Variants in MRC2 observed in about 807,000 individuals in gnomAD.
MRC2 encodes the protein mannose receptor C-type 2.
A neutral mutation model predicts 206.2 loss-of-function variants in MRC2; 84 were observed. That is an observed-to-expected ratio of 0.41 (90% CI 0.34 to 0.49). The LOEUF (loss-of-function observed/expected upper bound fraction) is 0.49. Among genes scored for constraint, MRC2 ranks in the 20% least tolerant of loss-of-function variants. The pLI is 0.31. For synonymous variants in MRC2, 798 were observed against 800.0 expected, an observed-to-expected ratio of 1.00 and a Z score of 0.04; for missense variants, 1,676 against 2,001.5, an observed-to-expected ratio of 0.84 and a Z score of 3.10.
intron 17 of MRC2, 26 bp from the exon 18 acceptor site, chr17:62,681,036 C>T (rs1300273527): frequency 6.2e-7 from 1 of 1,612,974 alleles, no homozygotes; most frequent in Admixed American, 1.7e-5. Flanking sequence ...GCTGCCTACC[C>T]ACACCTGCCC....
At chr17:62,655,227 A>G (rs1417352234) in intron 1 of MRC2, among the ~76,000 whole-genome samples, 1 of 150,516 alleles carries the variant, frequency 6.6e-6, no homozygotes, top group Non-Finnish European at 1.5e-5. Flanking sequence ...TGGAGCCTGC[A>G]GTGAGTGGAG....
At position 62,672,965 on chromosome 17, in the gene MRC2, C is replaced by G. The variant is rs2088845144; in HGVS notation, c.1461+813C>G. ...TGAGATTGCACCACTGCACTCCAGC[C>G]TGGGTGACAGAGCAAGACCCTGTCT... On this transcript the variant is annotated intron_variant, in intron 8 of 29. Coordinates refer to ENST00000303375, the MANE Select transcript of MRC2 (RefSeq NM_006039.5). This position sits in a 1 kb window ranked among gnomAD's most constrained non-coding sequence, Gnocchi z 4.5. Among the ~76,000 whole-genome samples, 1 of 149,546 alleles carries G rather than the reference C, an allele frequency of 6.7e-6. No homozygotes were observed. The highest frequency in any genetic ancestry group is 1.5e-5 in the Non-Finnish European group (1 of 67,734).
chr17:62,660,450 G>C (rs756107794), intron 1 of MRC2, among the ~76,000 whole-genome samples: 1 of 152,190 alleles, frequency 6.6e-6, no homozygotes, highest in Non-Finnish European at 1.5e-5. Context: ...GGAGGTAGAG[G>C]TTTCAGTTGC....
intron 1 of MRC2, among the ~76,000 whole-genome samples, chr17:62,639,072 T>C (rs959904639): frequency 2.6e-5 from 4 of 152,196 alleles, no homozygotes; most frequent in Non-Finnish European, 5.9e-5. Context: ...CAGTGGCTCA[T>C]GCCTGTAATC....
chr17:62,628,892 G>T (rs2084193215), intron 1 of MRC2, among the ~76,000 whole-genome samples: 2 of 152,158 alleles, frequency 1.3e-5, no homozygotes, highest in Non-Finnish European at 2.9e-5. Context: ...TTAATTGGGG[G>T]ATGGGGACAG....
At chr17:62,640,394 CG>C (rs2088386443) in intron 1 of MRC2, among the ~76,000 whole-genome samples, 1 of 152,110 alleles carries the variant, frequency 6.6e-6, no homozygotes, top group South Asian at 2.1e-4. Flanking sequence ...CTGCCAACAC[CG>C]TGGTGAGCAG....
rs575458183 is a variant in MRC2, at chr17:62,663,507, A to G, written c.119-1041A>G. 3.3e-5 allele frequency among the ~76,000 whole-genome samples: 5 copies of G among 152,216 alleles called. No homozygotes were observed. The South Asian group carries it at 1.0e-3, about 32-fold the overall frequency. ...TCCCCTTTCTCGTCACCCACAGGCA[A>G]CCATTAATTTGCTTTCTGTCTCTAT... On this transcript the variant is annotated intron_variant, in intron 1 of 29. Transcript: ENST00000303375.
At position 62,688,664 on chromosome 17, in the gene MRC2, G is replaced by T; in HGVS notation, c.3225G>T (p.Pro1075=). 6.2e-7 allele frequency: 1 copy of T among 1,613,474 alleles called. No individual in the cohort carries two copies. Among genetic ancestry groups the T allele is most frequent in the Non-Finnish European group, 8.5e-7 (1 of 1,179,864 alleles). The change falls in exon 22 of 30, where the codon CCG becomes CCT. Residue 1075 remains proline, a splice_region_variant and synonymous_variant. Transcript: ENST00000303375. ...GCCCTGCTCCCAGTGGCAACAAACC[G>T]GTGAGGATGCCCTCCCTGTTCCCCT... ...GPSPAPSGNK[P]TSCAVVLHSP...
intron 13 of MRC2, 25 bp downstream of exon 13, chr17:62,678,671 TAGG>T (rs2088924235): frequency 1.2e-6 from 2 of 1,600,574 alleles, no homozygotes; most frequent in African/African-American, 2.7e-5. Context: ...TGAGGCGTGT[TAGG>T]AGGGCACCCG....
chr17:62,664,523 C>A lies in MRC2; in HGVS notation c.119-25C>A. ...CCAACCAGGAGAGCCCCTGTGATGC[C>A]TTCGTGTCTTGCCTTCCCTTCCAGA... On this transcript the variant is annotated intron_variant, in intron 1 of 29. Coordinates refer to ENST00000303375, the MANE Select transcript of MRC2 (RefSeq NM_006039.5). The surrounding 1 kb of genome is among the most constrained non-coding windows in gnomAD (Gnocchi z 4.7). 1 of 1,586,492 alleles carries A rather than the reference C, an allele frequency of 6.3e-7. No homozygotes were observed. The highest frequency in any genetic ancestry group is 8.6e-7 in the Non-Finnish European group (1 of 1,166,750).
chr17:62,666,088 C>CT lies in MRC2; in HGVS notation c.521-5dup, dbSNP rs773331908. 8.2e-6 allele frequency: 13 copies of CT among 1,581,504 alleles called. No homozygotes were observed. Among genetic ancestry groups the CT allele is most frequent in the Non-Finnish European group, 1.1e-5 (13 of 1,163,208 alleles). On this transcript the variant is annotated splice_polypyrimidine_tract_variant and splice_region_variant and intron_variant, in intron 2 of 29. Transcript: ENST00000303375. The surrounding 1 kb of genome is among the most constrained non-coding windows in gnomAD (Gnocchi z 5.0). ...CAAGGGCCTGGCCCCTGTCCACCCCCTGCAGAGGTCTACACCATCCAGGGA... is the reference window on the plus strand; with the variant it reads ...CAAGGGCCTGGCCCCTGTCCACCCCCTTGCAGAGGTCTACACCATCCAGGGA...
At chr17:62,634,139 A>C (rs1367497751) in intron 1 of MRC2, among the ~76,000 whole-genome samples, 2 of 152,290 alleles carry the variant, frequency 1.3e-5, no homozygotes, top group East Asian at 3.9e-4. Flanking sequence ...AGGGGTGGGC[A>C]ATTCCCGGAA....
At position 62,680,603 on chromosome 17, in the gene MRC2, C is replaced by T; in HGVS notation, c.2473+150C>T. On this transcript the variant is annotated intron_variant, in intron 16 of 29. Coordinates refer to ENST00000303375, the MANE Select transcript of MRC2 (RefSeq NM_006039.5). The surrounding 1 kb of genome is among the most constrained non-coding windows in gnomAD (Gnocchi z 4.8). ...GGGTTGGCTCGGACGGAGGCAGCCA[C>T]AGCCCTGTTTGCTTCCGTGTGGGAG... is the stretch of plus-strand genomic sequence containing the variant. The T allele has an allele frequency of 1.5e-6, 2 of 1,313,910 alleles. No individual in the cohort carries two copies. Among genetic ancestry groups the T allele is most frequent in the Non-Finnish European group, 1.0e-6 (1 of 958,112 alleles). 81.4% of individuals were successfully genotyped at this position (1,313,910 alleles called of 1,614,324 possible).
chr17:62,671,622 G>C lies in MRC2; in HGVS notation c.1118-27G>C. ...TCCCAGACTGGGCGGCTCAGTCCCTGAGCAGCAGCCTCATGGGTCTCTGCA... is the reference window on the plus strand; with the variant it reads ...TCCCAGACTGGGCGGCTCAGTCCCTCAGCAGCAGCCTCATGGGTCTCTGCA... On this transcript the variant is annotated intron_variant, in intron 6 of 29. Transcript: ENST00000303375. The surrounding 1 kb of genome is among the most constrained non-coding windows in gnomAD (Gnocchi z 4.5). 6.5e-7 allele frequency: 1 copy of C among 1,537,864 alleles called. No homozygotes were observed. The highest frequency in any genetic ancestry group is 1.3e-5 in the South Asian group (1 of 79,036).
intron 2 of MRC2, among the ~76,000 whole-genome samples, chr17:62,665,411 C>A (rs1295728305): frequency 1.3e-4 from 14 of 110,586 alleles, no homozygotes; most frequent in East Asian, 5.2e-4. Context: ...TCCCCCCCCC[C>A]ACAAAAAAAA....
At position 62,689,334 on chromosome 17, in the gene MRC2, C is replaced by T. The variant is rs2089072401; in HGVS notation, c.3335-188C>T. The T allele has an allele frequency of 1.0e-5, 6 of 586,980 alleles. No homozygotes were observed. The South Asian group carries it at 1.2e-4, about 11-fold the overall frequency. 36.4% of individuals were successfully genotyped at this position (586,980 alleles called of 1,614,324 possible). A position where few individuals can be genotyped will look rare whatever the true frequency, so the allele number is the denominator to read the frequency against. On this transcript the variant is annotated intron_variant, in intron 23 of 29. Transcript: ENST00000303375. ...GAGGTCAAGGCCCTCACCTCCCTGT[C>T]CATTTGTTAGCAAACATGTATTATT...
At chr17:62,646,326 CT>C (rs2088485375) in intron 1 of MRC2, among the ~76,000 whole-genome samples, 2 of 151,890 alleles carry the variant, frequency 1.3e-5, no homozygotes, top group Admixed American at 6.6e-5. Context: ...GCCCGGCCCC[CT>C]CTCTCTCTTT....
At chr17:62,634,015 GAA>G (rs2088280448) in intron 1 of MRC2, among the ~76,000 whole-genome samples, 1 of 152,074 alleles carries the variant, frequency 6.6e-6, no homozygotes. Flanking sequence ...AAGGAATAAA[GAA>G]TGGCTACTCC....
intron 6 of MRC2, among the ~76,000 whole-genome samples, chr17:62,669,905 G>A (rs2088806653): frequency 6.6e-6 from 1 of 152,202 alleles, no homozygotes; most frequent in South Asian, 2.1e-4. Flanking sequence ...TAAGGGGCCA[G>A]GAGCAGAAGC....
Sources: allele counts gnomAD v4.1 joint callset (sites outside exome capture counted in the v4.1 genomes callset), GRCh38; gene constraint gnomAD v4.1.1; non-coding constraint Gnocchi (gnomAD v3.1); transcripts MANE v1.5; gene names NCBI Gene and HGNC (gene_info 2026-07-23, HGNC 2026-07-21).